COL25A1: variants seen among roughly 807,000 people sequenced by gnomAD.
COL25A1 encodes collagen type XXV alpha 1 chain, also known as collagen alpha-1(XXV) chain.
COL25A1 carries 103 observed loss-of-function variants against 128.4 expected under a neutral mutation model. The ratio of observed to expected loss-of-function variants is 0.80; its 90% confidence interval spans 0.68 to 0.94. The LOEUF (loss-of-function observed/expected upper bound fraction) is 0.94, where lower values mean the gene tolerates loss of function less well. Ranked by LOEUF, COL25A1 falls within the 40% of genes least tolerant of loss-of-function variation. COL25A1 has a pLI of 0.00. For synonymous variants in COL25A1, 279 were observed against 277.2 expected, an observed-to-expected ratio of 1.01 and a Z score of -0.06; for missense variants, 745 against 840.0, an observed-to-expected ratio of 0.89 and a Z score of 1.40.
intron 12 of COL25A1, among the ~76,000 whole-genome samples, chr4:108,919,641 G>A (rs544423660): frequency 6.6e-6 from 1 of 152,162 alleles, no homozygotes; most frequent in Admixed American, 6.5e-5. Flanking sequence ...GTAAGGATGG[G>A]GGAATGAGGA....
chr4:109,072,182 T>C (rs34429094), intron 3 of COL25A1, among the ~76,000 whole-genome samples: 17,592 of 152,146 alleles, frequency 0.12, 1,306 homozygotes, highest in African/African-American at 0.21. Flanking sequence ...AAAATATATA[T>C]ACTAATTCAT....
intron 3 of COL25A1, among the ~76,000 whole-genome samples, chr4:109,149,972 G>T (rs1402137310): frequency 6.7e-6 from 1 of 150,030 alleles, no homozygotes; most frequent in Non-Finnish European, 1.5e-5. Context: ...CTGTGTGTAT[G>T]TATGTGTATG....
intron 3 of COL25A1, among the ~76,000 whole-genome samples, chr4:109,212,821 T>C (rs1777683213): frequency 1.3e-5 from 2 of 152,180 alleles, no homozygotes; most frequent in African/African-American, 4.8e-5. Context: ...GGTACATGTA[T>C]GGTACATGCT....
chr4:108,946,527 A>G (rs769626555), intron 8 of COL25A1, among the ~76,000 whole-genome samples: 15 of 152,368 alleles, frequency 9.8e-5, no homozygotes, highest in Non-Finnish European at 2.1e-4. Context: ...CTAACATTCA[A>G]CAATATTTAA....
intron 13 of COL25A1, among the ~76,000 whole-genome samples, chr4:108,916,813 T>C (rs928281524): frequency 5.9e-5 from 9 of 152,140 alleles, no homozygotes; most frequent in African/African-American, 1.9e-4. Flanking sequence ...AAGTGGAAAA[T>C]GTAGCTGCGA....
chr4:109,247,607 G>A (rs1780358179), intron 3 of COL25A1, among the ~76,000 whole-genome samples: 1 of 152,090 alleles, frequency 6.6e-6, no homozygotes, highest in Non-Finnish European at 1.5e-5. Context: ...GGAAGACCTG[G>A]AAGAAGTTAA....
chr4:109,210,677 A>G (rs1777422649), intron 3 of COL25A1, among the ~76,000 whole-genome samples: 1 of 152,230 alleles, frequency 6.6e-6, no homozygotes, highest in Admixed American at 6.5e-5. Flanking sequence ...GTTGCAAAAT[A>G]CAGTCTCAAT....
intron 5 of COL25A1, among the ~76,000 whole-genome samples, chr4:109,041,925 C>T (rs896195908): frequency 6.6e-6 from 1 of 152,082 alleles, no homozygotes. Flanking sequence ...CCACTAATAT[C>T]TTAAGGTCCG....
chr4:109,240,993 T>C (rs1265706580), intron 3 of COL25A1, among the ~76,000 whole-genome samples: 1 of 152,064 alleles, frequency 6.6e-6, no homozygotes, highest in Non-Finnish European at 1.5e-5. Flanking sequence ...TGTTATTATT[T>C]GTTAATTTGA....
chr4:109,272,122 G>A (rs1430311946), intron 3 of COL25A1, among the ~76,000 whole-genome samples: 2 of 152,134 alleles, frequency 1.3e-5, no homozygotes, highest in Middle Eastern at 3.4e-3. Context: ...TGTAGTTCCT[G>A]CTACTCAGGA....
chr4:108,813,699 T>G lies in COL25A1; in HGVS notation c.*228A>C. 1 of 475,508 alleles carries G rather than the reference T, an allele frequency of 2.1e-6. No homozygotes were observed. The highest frequency in any genetic ancestry group is 3.8e-6 in the Non-Finnish European group (1 of 263,064). The allele number at this position is 475,508 out of a possible 1,614,324, so 29.5% of individuals were successfully genotyped here. A position where few individuals can be genotyped will look rare whatever the true frequency, so the allele number is the denominator to read the frequency against. ...TATAAATACGTATCTTCACATAAGA[T>G]AAGGAGATACTGATCTATATTTTTT... is the stretch of plus-strand genomic sequence containing the variant. On this transcript the variant is annotated 3_prime_UTR_variant, in exon 38 of 38. Coordinates refer to ENST00000399132, the MANE Select transcript of COL25A1 (RefSeq NM_198721.4).
chr4:108,908,444 A>G (rs1450735940), intron 13 of COL25A1, among the ~76,000 whole-genome samples: 6 of 152,016 alleles, frequency 3.9e-5, no homozygotes, highest in Non-Finnish European at 5.9e-5. Flanking sequence ...TGCATCCCCA[A>G]TCCCTGATTC....
chr4:108,834,797 T>C (rs181187623), intron 31 of COL25A1, among the ~76,000 whole-genome samples: 39 of 152,288 alleles, frequency 2.6e-4, no homozygotes, highest in Admixed American at 7.8e-4. Flanking sequence ...AAAAAAGCGC[T>C]CATTATAATA....
intron 37 of COL25A1, among the ~76,000 whole-genome samples, chr4:108,815,957 G>A (rs1025928245): frequency 6.6e-6 from 1 of 152,068 alleles, no homozygotes; most frequent in Non-Finnish European, 1.5e-5. Flanking sequence ...GCTAATGGCT[G>A]GTTTAAAAAA....
In COL25A1 at chr4:108,840,133, T is replaced by G. The variant is rs554863752; in HGVS notation, c.1656+1562A>C. On this transcript the variant is annotated intron_variant, in intron 31 of 37. Coordinates refer to ENST00000399132, the MANE Select transcript of COL25A1 (RefSeq NM_198721.4). Reference sequence around the variant, plus strand: ...GGTGGGTGCCTGTAATCCCAGCTACTTGGGAGGCTGAGGCGGAAGAATCAC... The same window carrying G: ...GGTGGGTGCCTGTAATCCCAGCTACGTGGGAGGCTGAGGCGGAAGAATCAC... 4.0e-4 allele frequency among the ~76,000 whole-genome samples: 61 copies of G among 151,506 alleles called. 1 individual carries two copies. The highest frequency in any genetic ancestry group is 1.3e-3 in the African/African-American group (55 of 41,246).
At chr4:108,972,885 A>G (rs1376321349) in intron 8 of COL25A1, among the ~76,000 whole-genome samples, 1 of 152,196 alleles carries the variant, frequency 6.6e-6, no homozygotes, top group Non-Finnish European at 1.5e-5. Flanking sequence ...AGATGGTTTC[A>G]GGTTTCATCC....
intron 3 of COL25A1, among the ~76,000 whole-genome samples, chr4:109,264,771 A>G (rs1402398231): frequency 6.6e-6 from 1 of 152,170 alleles, no homozygotes; most frequent in African/African-American, 2.4e-5. Context: ...GCAACATGTG[A>G]TATCATTGGC....
At chr4:108,964,044 T>C (rs1043090649) in intron 8 of COL25A1, among the ~76,000 whole-genome samples, 1 of 150,576 alleles carries the variant, frequency 6.6e-6, no homozygotes, top group African/African-American at 2.4e-5. Flanking sequence ...ATGTAAATAA[T>C]ATCATAATTA....
At chr4:108,942,279 A>AG in intron 8 of COL25A1, 1 of 1,550,064 alleles carries the variant, frequency 6.5e-7, no homozygotes, top group Non-Finnish European at 8.7e-7. Context: ...CTATGGACAT[A>AG]GCACAGCACC....
Sources: allele counts gnomAD v4.1 joint callset (sites outside exome capture counted in the v4.1 genomes callset), GRCh38; gene constraint gnomAD v4.1.1; transcripts MANE v1.5; gene names NCBI Gene and HGNC (gene_info 2026-07-23, HGNC 2026-07-21).